SLC12A6: variants seen among roughly 807,000 people sequenced by gnomAD.
SLC12A6 encodes the protein K-Cl cotransporter 3.
A neutral mutation model predicts 135.3 loss-of-function variants in SLC12A6; 66 were observed. That is an observed-to-expected ratio of 0.49 (90% confidence interval 0.40 to 0.60). The LOEUF (loss-of-function observed/expected upper bound fraction) is 0.60. Among genes scored for constraint, SLC12A6 ranks in the 20% least tolerant of loss-of-function variants. SLC12A6 has a pLI of 0.00. For synonymous variants in SLC12A6, 513 were observed against 508.8 expected (o/e 1.01, Z -0.11); for missense variants, 1,058 against 1,452.3 (o/e 0.73, Z 4.41).
intron 2 of SLC12A6, among the ~76,000 whole-genome samples, chr15:34,310,705 AAG>A (rs796618063): frequency 2.3e-5 from 1 of 43,532 alleles, no homozygotes; most frequent in Admixed American, 2.8e-4. Flanking sequence ...TCCTGGGCTC[AAG>A]AGTGTGTGTG....
intron 2 of SLC12A6, among the ~76,000 whole-genome samples, chr15:34,304,213 T>C (rs1394757469): frequency 6.6e-6 from 1 of 152,246 alleles, no homozygotes; most frequent in Non-Finnish European, 1.5e-5. Flanking sequence ...TTAACTTGCA[T>C]TTTCAAGCTT....
intron 2 of SLC12A6, among the ~76,000 whole-genome samples, chr15:34,334,172 T>C (rs1672258167): frequency 6.6e-6 from 1 of 151,922 alleles, no homozygotes. Context: ...GGGAAGTTTC[T>C]CTACAGGAAG....
At chr15:34,269,253 T>G (rs1893741119) in intron 3 of SLC12A6, among the ~76,000 whole-genome samples, 2 of 152,220 alleles carry the variant, frequency 1.3e-5, no homozygotes, top group Non-Finnish European at 2.9e-5. Flanking sequence ...AAATGAAAAC[T>G]GATAGGATAA....
At position 34,256,215 on chromosome 15, in the gene SLC12A6, C is replaced by T. The variant is rs1283699458; in HGVS notation, c.745+14G>A. ...ACACTGATAAATCCTGAAATACAAC[C>T]TTGACCTACTAACCTGGCACCACTC... On this transcript the variant is annotated intron_variant, in intron 7 of 25. Coordinates refer to ENST00000354181, the MANE Select transcript of SLC12A6 (RefSeq NM_001365088.1). 6.4e-7 allele frequency: 1 copy of T among 1,551,616 alleles called. No individual in the cohort carries two copies. The highest frequency in any genetic ancestry group is 8.9e-7 in the Non-Finnish European group (1 of 1,122,994).
chr15:34,287,509 G>A (rs1184366519), intron 2 of SLC12A6, among the ~76,000 whole-genome samples: 2 of 152,056 alleles, frequency 1.3e-5, no homozygotes, highest in Non-Finnish European at 1.5e-5. Flanking sequence ...GGGATTGCTG[G>A]GTCAAATGGT....
At chr15:34,313,624 C>A (rs1888417204) in intron 2 of SLC12A6, among the ~76,000 whole-genome samples, 1 of 152,306 alleles carries the variant, frequency 6.6e-6, no homozygotes, top group Middle Eastern at 3.4e-3. Context: ...AAACAACACA[C>A]TTTCACTGGA....
At chr15:34,325,498 T>C (rs564071310) in intron 2 of SLC12A6, among the ~76,000 whole-genome samples, 56 of 152,320 alleles carry the variant, frequency 3.7e-4, no homozygotes, top group Non-Finnish European at 6.0e-4. Context: ...CAGTGGTGAA[T>C]ATATAATGAA....
chr15:34,301,189 G>C (rs964197762), intron 2 of SLC12A6, among the ~76,000 whole-genome samples: 1 of 152,054 alleles, frequency 6.6e-6, no homozygotes, highest in African/African-American at 2.4e-5. Context: ...GGCTGGTCTT[G>C]AACTCCTGAC....
At chr15:34,279,630 T>C (rs1279752852) in intron 2 of SLC12A6, among the ~76,000 whole-genome samples, 1 of 152,066 alleles carries the variant, frequency 6.6e-6, no homozygotes, top group South Asian at 2.1e-4. Context: ...AGACTGGGAG[T>C]TGTCCTAAAG....
chr15:34,316,264 G>A (rs141098055), intron 2 of SLC12A6, among the ~76,000 whole-genome samples: 2 of 151,834 alleles, frequency 1.3e-5, no homozygotes, highest in Non-Finnish European at 2.9e-5. Flanking sequence ...TGTTGGAAGT[G>A]CTTGTGAAAA....
chr15:34,334,475 T>C (rs1176765553), intron 2 of SLC12A6, among the ~76,000 whole-genome samples: 1 of 152,038 alleles, frequency 6.6e-6, no homozygotes, highest in Admixed American at 6.6e-5. Context: ...AAGTCAAGGG[T>C]GAAATAATTG....
Position 34,336,394 on chromosome 15 carries a change from CTG to C in SLC12A6, c.271+14_271+15del. On this transcript the variant is annotated intron_variant, in intron 2 of 25. Coordinates refer to ENST00000354181, the MANE Select transcript of SLC12A6 (RefSeq NM_001365088.1). ...CCCAGTAATGAAAGTATGCTGCGGT[CTG>C]TGTTTCTACTTACCCTCGATGACAT... 5 of 1,605,298 alleles carry C rather than the reference CTG, an allele frequency of 3.1e-6. 1 individual carries two copies. The highest frequency in any genetic ancestry group is 1.3e-5 in the African/African-American group (1 of 74,804).
intron 2 of SLC12A6, among the ~76,000 whole-genome samples, chr15:34,335,854 A>G (rs1456032393): frequency 1.3e-5 from 2 of 152,206 alleles, no homozygotes; most frequent in East Asian, 3.8e-4. Context: ...AGAATAGCAC[A>G]TTAGGTCTAC....
intron 22 of SLC12A6, 138 bp downstream of exon 22, chr15:34,237,281 T>C (rs1029195424): frequency 9.5e-6 from 6 of 632,484 alleles, no homozygotes; most frequent in Non-Finnish European, 1.3e-5. Context: ...ATTAGGGTTT[T>C]TTTTTGTTTT....
chr15:34,270,850 G>A (rs965773898), intron 3 of SLC12A6, among the ~76,000 whole-genome samples: 1 of 151,356 alleles, frequency 6.6e-6, no homozygotes. Context: ...AAAAAAGAGA[G>A]AGAGAAAAGA....
rs1468112926 is a variant in SLC12A6, at chr15:34,251,126, C to T, written c.1334-69G>A. On this transcript the variant is annotated intron_variant, in intron 10 of 25. Transcript: ENST00000354181. ...AAAAAAAGATAATTAATTTTCTACC[C>T]AAACATTCAAAATCAGGCTCCTCAT... 4 of 1,177,736 alleles carry T rather than the reference C, an allele frequency of 3.4e-6. No individual in the cohort carries two copies. The African/African-American group carries it at 4.5e-5, about 13-fold the overall frequency. The allele number at this position is 1,177,736 out of a possible 1,614,324, so 73.0% of individuals were successfully genotyped here.
At chr15:34,243,108 G>T (rs554100633) in intron 16 of SLC12A6, among the ~76,000 whole-genome samples, 1 of 152,030 alleles carries the variant, frequency 6.6e-6, no homozygotes, top group Admixed American at 6.5e-5. Flanking sequence ...GGTCAGGCTG[G>T]TCTCAAACTC....
At chr15:34,260,875 T>A (rs761806106) in intron 4 of SLC12A6, 51 bp downstream of exon 4, 1 of 832,352 alleles carries the variant, frequency 1.2e-6, no homozygotes, top group Non-Finnish European at 2.1e-6. Context: ...ATGGCTATCA[T>A]GAGATCTCTG....
intron 21 of SLC12A6, 152 bp downstream of exon 21, chr15:34,238,080 T>C: frequency 1.5e-6 from 1 of 671,226 alleles, no homozygotes; most frequent in African/African-American, 1.8e-5. Context: ...TTCTCTTGTT[T>C]GAAAGTGGGA....
Sources: allele counts gnomAD v4.1 joint callset (sites outside exome capture counted in the v4.1 genomes callset), GRCh38; gene constraint gnomAD v4.1.1; transcripts MANE v1.5; gene names NCBI Gene and HGNC (gene_info 2026-07-23, HGNC 2026-07-21).